CDC40: variants seen among roughly 807,000 people sequenced by gnomAD.
CDC40 encodes the protein cell division cycle 40, also known as pre-mRNA-processing factor 17.
Under a neutral mutation model 80.6 loss-of-function variants are expected in CDC40, and 27 were observed. The ratio of observed to expected loss-of-function variants is 0.33; its 90% CI spans 0.25 to 0.46. CDC40 has a LOEUF of 0.46. Ranked by LOEUF, CDC40 falls within the 20% of genes least tolerant of loss-of-function variation. The probability of loss-of-function intolerance (pLI) is 1.00; values close to 1 mark genes in which losing one functional copy is unlikely to be tolerated. For missense variants in CDC40, 486 were observed against 694.1 expected, an observed-to-expected ratio of 0.70 and a Z score of 3.37; for synonymous variants, 221 against 232.6, an observed-to-expected ratio of 0.95 and a Z score of 0.45.
rs149794738 is a variant in CDC40 at position 110,218,511 on chromosome 6, T to C, written c.1090+708T>C. ...ACTGAGGCTTAAAGAGCTAACTTTT[T>C]CAGGGTCACACAGCTAATAAGTAGC... is the stretch of plus-strand genomic sequence containing the variant. On this transcript the variant is annotated intron_variant, in intron 10 of 14. Coordinates refer to ENST00000307731, the MANE Select transcript of CDC40 (RefSeq NM_015891.3). Among the ~76,000 whole-genome samples the C allele has an allele frequency of 1.8e-3, 269 of 152,292 alleles. 2 individuals are homozygous for C. Among genetic ancestry groups the C allele is most frequent in the African/African-American group, 6.3e-3 (260 of 41,562 alleles).
At chr6:110,220,704 C>G (rs1178563151) in intron 12 of CDC40, among the ~76,000 whole-genome samples, 2 of 152,136 alleles carry the variant, frequency 1.3e-5, no homozygotes, top group African/African-American at 4.8e-5. Flanking sequence ...CTTGGCCTCC[C>G]AAAGTGCTGG....
At chr6:110,187,052 C>T (rs1414985316) in intron 1 of CDC40, among the ~76,000 whole-genome samples, 1 of 152,156 alleles carries the variant, frequency 6.6e-6, no homozygotes, top group Non-Finnish European at 1.5e-5. Context: ...AATCTCCGCT[C>T]ACTGCAAGCT....
intron 3 of CDC40, 47 bp downstream of exon 3, chr6:110,201,734 G>A (rs1248959734): frequency 6.5e-7 from 1 of 1,531,662 alleles, no homozygotes; most frequent in East Asian, 2.3e-5. Flanking sequence ...TTTATTAGAA[G>A]TGTGATCTGT....
chr6:110,209,441 T>C, intron 5 of CDC40: 1 of 425,036 alleles, frequency 2.4e-6, no homozygotes, highest in East Asian at 4.1e-5. Context: ...CATGCTTTTT[T>C]ATTAAAATAC....
At position 110,230,028 on chromosome 6, in the gene CDC40, T is replaced by C. The variant is rs775593127; in HGVS notation, c.1637T>C (p.Phe546Ser). 1.7e-5 allele frequency: 27 copies of C among 1,612,490 alleles called. No homozygotes were observed. The South Asian group carries it at 3.0e-4, about 18-fold the overall frequency. ...DWKTTKLYSR[F>S]KAHDKVCIGA... is the part of the protein sequence containing the mutation. Reference sequence around the variant, plus strand: ...AAGACCACAAAACTCTACAGTCGATTTAAAGCTCATGATAAAGTGTGTATA... The same window carrying C: ...AAGACCACAAAACTCTACAGTCGATCTAAAGCTCATGATAAAGTGTGTATA... Residue 546 changes from phenylalanine (F) to serine (S), a missense_variant, in exon 15 of 15, where the codon TTT becomes TCT. Physicochemically the swap from Phe to Ser is radical, Grantham distance 155. Transcript: ENST00000307731.
intron 2 of CDC40, among the ~76,000 whole-genome samples, chr6:110,193,743 G>A (rs1487868643): frequency 6.6e-6 from 1 of 152,164 alleles, no homozygotes; most frequent in Non-Finnish European, 1.5e-5. Context: ...TTCAGGTAGT[G>A]TGCTTTTGTG....
chr6:110,188,188 C>A (rs1777299477), intron 1 of CDC40, among the ~76,000 whole-genome samples: 1 of 152,036 alleles, frequency 6.6e-6, no homozygotes, highest in Non-Finnish European at 1.5e-5. Flanking sequence ...ATTTTAAATA[C>A]CCTTAATTGG....
chr6:110,205,851 C>T (rs1416464190), intron 3 of CDC40, among the ~76,000 whole-genome samples: 1 of 152,152 alleles, frequency 6.6e-6, no homozygotes, highest in African/African-American at 2.4e-5. Context: ...CAGAACACTT[C>T]TGTACATCAA....
chr6:110,200,437 G>T (rs1777480365), intron 2 of CDC40, among the ~76,000 whole-genome samples: 1 of 150,430 alleles, frequency 6.6e-6, no homozygotes, highest in Admixed American at 6.6e-5. Flanking sequence ...ATGACGGTGG[G>T]TCTTACAGAG....
intron 8 of CDC40, 58 bp downstream of exon 8, chr6:110,213,218 T>C (rs1777658905): frequency 9.1e-7 from 1 of 1,100,922 alleles, no homozygotes; most frequent in Admixed American, 1.7e-5. Flanking sequence ...TTTAAATCTG[T>C]TTGATTAATT....
intron 5 of CDC40, 115 bp from the exon 6 acceptor site, chr6:110,210,592 T>G: frequency 2.8e-6 from 1 of 357,970 alleles, no homozygotes; most frequent in Non-Finnish European, 5.1e-6. Context: ...CTTGTTATCC[T>G]GGGAACATAC....
chr6:110,209,641 C>T (rs1777609163), intron 5 of CDC40, among the ~76,000 whole-genome samples: 1 of 151,928 alleles, frequency 6.6e-6, no homozygotes, highest in Admixed American at 6.6e-5. Context: ...CTATATATAT[C>T]TTAAAAACTA....
At position 110,201,699 on chromosome 6, in the gene CDC40, A is replaced by C; in HGVS notation, c.406+12A>C. Reference sequence around the variant, plus strand: ...TTTTGCAACATATGGTAAGGTGATAAGACTTAAGCAGTTTCAATTTTGGCT... The same window carrying C: ...TTTTGCAACATATGGTAAGGTGATACGACTTAAGCAGTTTCAATTTTGGCT... On this transcript the variant is annotated intron_variant, in intron 3 of 14. Transcript: ENST00000307731. The C allele has an allele frequency of 6.2e-7, 1 of 1,609,788 alleles. No homozygotes were observed. Among genetic ancestry groups the C allele is most frequent in the Non-Finnish European group, 8.5e-7 (1 of 1,177,186 alleles).
intron 13 of CDC40, among the ~76,000 whole-genome samples, chr6:110,226,914 G>T (rs983947153): frequency 6.6e-6 from 1 of 151,906 alleles, no homozygotes; most frequent in African/African-American, 2.4e-5. Flanking sequence ...TAGCTACTTG[G>T]TCAGGCTGAG....
intron 2 of CDC40, among the ~76,000 whole-genome samples, chr6:110,195,780 C>G (rs146729954): frequency 1.3e-5 from 2 of 151,988 alleles, no homozygotes; most frequent in African/African-American, 4.8e-5. Flanking sequence ...CAGGAATGCC[C>G]GAGTCCTTAC....
chr6:110,184,601 T>G (rs1777241362), intron 1 of CDC40, among the ~76,000 whole-genome samples: 1 of 152,152 alleles, frequency 6.6e-6, no homozygotes, highest in South Asian at 2.1e-4. Context: ...TTTTCTTTCT[T>G]TTAATCATTA....
intron 9 of CDC40, 85 bp downstream of exon 9, chr6:110,215,416 A>C: frequency 9.6e-7 from 1 of 1,042,032 alleles, no homozygotes; most frequent in South Asian, 1.3e-5. Context: ...TACTACACCG[A>C]TAGGAAGTAA....
intron 12 of CDC40, among the ~76,000 whole-genome samples, chr6:110,223,111 A>G (rs1011148902): frequency 1.3e-5 from 2 of 152,158 alleles, no homozygotes; most frequent in African/African-American, 4.8e-5. Context: ...AAGAGACAGG[A>G]TCTCACTCTG....
intron 1 of CDC40, among the ~76,000 whole-genome samples, chr6:110,180,997 C>G (rs1584055793): frequency 6.6e-6 from 1 of 152,290 alleles, no homozygotes; most frequent in South Asian, 2.1e-4. Context: ...CTCGATTTGT[C>G]TTATTTTTGA....
Sources: gnomAD v4.1 joint callset for allele counts (sites outside exome capture counted in the v4.1 genomes callset) on GRCh38, gnomAD v4.1.1 for gene constraint, MANE v1.5 for transcripts, NCBI Gene and HGNC (gene_info 2026-07-23, HGNC 2026-07-21) for gene names.